Variants in RIMKLB observed in about 807,000 individuals in gnomAD.
RIMKLB encodes the protein ribosomal modification protein rimK like family member B.
RIMKLB carries 7 observed loss-of-function variants against 32.0 expected under a neutral mutation model. The observed-to-expected ratio is 0.22, with a 90% CI of 0.12 to 0.41. The LOEUF (loss-of-function observed/expected upper bound fraction) is 0.41, where lower values mean the gene tolerates loss of function less well. RIMKLB is among the 10% of genes least tolerant of loss of function. The pLI is 1.00. For missense variants in RIMKLB, 289 were observed against 498.7 expected (o/e 0.58, Z 4.00); for synonymous variants, 172 against 185.1 (o/e 0.93, Z 0.57).
Position 8,750,124 on chromosome 12 carries a change from A to G in RIMKLB, c.406+32A>G, listed in dbSNP as rs1211761597. 5 of 1,319,928 alleles carry G rather than the reference A, an allele frequency of 3.8e-6. No homozygotes were observed. The Admixed American group carries it at 8.5e-5, about 23-fold the overall frequency. 81.8% of individuals were successfully genotyped at this position (1,319,928 alleles called of 1,614,324 possible). A position where few individuals can be genotyped will look rare whatever the true frequency, so the allele number is the denominator to read the frequency against. ...CTACTAAAGAGCATACATAGCCTGA[A>G]TATTAACCACTGATAGTTTTAATAG... is the stretch of plus-strand genomic sequence containing the variant. On this transcript the variant is annotated intron_variant, in intron 3 of 5. Coordinates refer to ENST00000535829, the MANE Select transcript of RIMKLB (RefSeq NM_001297776.2).
intron 5 of RIMKLB, among the ~76,000 whole-genome samples, chr12:8,766,109 C>T (rs74061807): frequency 0.016 from 2,441 of 151,828 alleles, 61 homozygotes; most frequent in African/African-American, 0.055. Context: ...GGAATGTTTC[C>T]CATCTGAAAA....
intron 5 of RIMKLB, among the ~76,000 whole-genome samples, chr12:8,768,230 C>A (rs142124291): frequency 0.024 from 3,628 of 152,266 alleles, 135 homozygotes; most frequent in African/African-American, 0.082. Context: ...GCCTTTAGCC[C>A]GATCAGGAGC....
At chr12:8,747,732 C>CT (rs910858543) in intron 2 of RIMKLB, among the ~76,000 whole-genome samples, 1 of 151,720 alleles carries the variant, frequency 6.6e-6, no homozygotes, top group Non-Finnish European at 1.5e-5. Context: ...TATATATACT[C>CT]TGATACAGAA....
intron 5 of RIMKLB, among the ~76,000 whole-genome samples, chr12:8,763,733 A>G (rs1280131219): frequency 1.3e-5 from 2 of 152,220 alleles, no homozygotes; most frequent in African/African-American, 4.8e-5. Flanking sequence ...GGCGACTAAA[A>G]GTAAATTATC....
the RIMKLB span, among the ~76,000 whole-genome samples, chr12:8,669,949 C>T: frequency 6.7e-6 from 1 of 149,072 alleles, no homozygotes; most frequent in Non-Finnish European, 1.5e-5. Flanking sequence ...ATGGTGCGAA[C>T]CCGGGAGGTG....
At chr12:8,706,272 T>G (rs1943870942) in intron 1 of RIMKLB, among the ~76,000 whole-genome samples, 1 of 151,888 alleles carries the variant, frequency 6.6e-6, no homozygotes, top group Admixed American at 6.6e-5. Context: ...CCCAAGTAGC[T>G]GGGATTACAG....
chr12:8,735,960 C>T (rs1480768294), intron 2 of RIMKLB, among the ~76,000 whole-genome samples: 1 of 152,072 alleles, frequency 6.6e-6, no homozygotes, highest in Non-Finnish European at 1.5e-5. Flanking sequence ...AAACTCCCGA[C>T]CTCAGGTGAT....
chr12:8,755,583 C>T (rs1948956647), intron 5 of RIMKLB, among the ~76,000 whole-genome samples: 1 of 152,334 alleles, frequency 6.6e-6, no homozygotes, highest in South Asian at 2.1e-4. Flanking sequence ...ACCACCTTCT[C>T]TTATTTGGAT....
At chr12:8,756,681 CT>C (rs1265312338) in intron 5 of RIMKLB, among the ~76,000 whole-genome samples, 3 of 117,380 alleles carry the variant, frequency 2.6e-5, no homozygotes, top group Non-Finnish European at 5.3e-5. Flanking sequence ...ATTTTACTTT[CT>C]ACTTTTTTTT....
chr12:8,762,516 G>T (rs1316081476), intron 5 of RIMKLB, among the ~76,000 whole-genome samples: 4 of 152,008 alleles, frequency 2.6e-5, no homozygotes, highest in African/African-American at 9.7e-5. Context: ...GGCAGTTTAA[G>T]ACTGCCACCT....
Position 8,775,680 on chromosome 12 carries a change from A to G in RIMKLB, c.*1896A>G, listed in dbSNP as rs1290648639. ...TTTCCCCCGTTTTAAAAAGGAATGT[A>G]ATAAAATTTGTTTTTTCCATAGAAT... On this transcript the variant is annotated 3_prime_UTR_variant, in exon 6 of 6. Coordinates refer to ENST00000535829, the MANE Select transcript of RIMKLB (RefSeq NM_001297776.2). The G allele has an allele frequency of 2.0e-6, 2 of 985,396 alleles. No individual in the cohort carries two copies. 61.0% of individuals were successfully genotyped at this position (985,396 alleles called of 1,614,324 possible). A position where few individuals can be genotyped will look rare whatever the true frequency, so the allele number is the denominator to read the frequency against.
intron 5 of RIMKLB, among the ~76,000 whole-genome samples, chr12:8,770,814 C>T (rs1350075302): frequency 1.3e-5 from 2 of 152,194 alleles, no homozygotes; most frequent in African/African-American, 2.4e-5. Flanking sequence ...ACCTCACCCC[C>T]TTCAGACACC....
intron 3 of RIMKLB, among the ~76,000 whole-genome samples, chr12:8,750,858 T>C (rs767771443): frequency 9.9e-5 from 15 of 151,444 alleles, no homozygotes; most frequent in Non-Finnish European, 1.9e-4. Flanking sequence ...CCTTTAATTT[T>C]CTTGTTTGGA....
chr12:8,733,794 G>A (rs1946756985), intron 2 of RIMKLB, among the ~76,000 whole-genome samples: 1 of 152,174 alleles, frequency 6.6e-6, no homozygotes, highest in African/African-American at 2.4e-5. Flanking sequence ...TGAGGTAGGA[G>A]GATTGATTGA....
At chr12:8,752,150 C>A in intron 4 of RIMKLB, 107 bp downstream of exon 4, 1 of 720,466 alleles carries the variant, frequency 1.4e-6, no homozygotes, top group Non-Finnish European at 2.4e-6. Flanking sequence ...ATGCATGATA[C>A]CTCAGACTTA....
At chr12:8,754,772 T>C (rs1465925303) in intron 5 of RIMKLB, among the ~76,000 whole-genome samples, 1 of 152,166 alleles carries the variant, frequency 6.6e-6, no homozygotes, top group Non-Finnish European at 1.5e-5. Flanking sequence ...ATTTTATTCT[T>C]ATATATGTAT....
At chr12:8,782,833 T>C (rs1284489930) in intron 7 of RIMKLB, 1 of 151,796 alleles carries the variant, frequency 6.6e-6, no homozygotes. Flanking sequence ...TTTTCTGTCT[T>C]TATTTGTATT....
chr12:8,744,497 TTTC>T (rs1459781871), intron 2 of RIMKLB, among the ~76,000 whole-genome samples: 7 of 151,906 alleles, frequency 4.6e-5, no homozygotes. Context: ...GGTTGAATTT[TTTC>T]TTGACAATTT....
chr12:8,676,921 G>A (rs1255973378), upstream of RIMKLB, among the ~76,000 whole-genome samples: 2 of 151,868 alleles, frequency 1.3e-5, no homozygotes, highest in Non-Finnish European at 2.9e-5. Context: ...CACCATCTAG[G>A]GGCCACCTTC....
Sources: allele counts gnomAD v4.1 joint callset (sites outside exome capture counted in the v4.1 genomes callset), GRCh38; gene constraint gnomAD v4.1.1; transcripts MANE v1.5; gene names NCBI Gene and HGNC (gene_info 2026-07-23, HGNC 2026-07-21).